Variants in SLC6A6 observed in about 807,000 individuals in gnomAD.
SLC6A6 encodes the protein solute carrier family 6 member 6.
In SLC6A6, 16 loss-of-function variants were observed where a neutral mutation model predicts 68.8. The observed-to-expected ratio is 0.23, with a 90% confidence interval of 0.16 to 0.35. The LOEUF (loss-of-function observed/expected upper bound fraction) is 0.35. SLC6A6 is among the 10% of genes least tolerant of loss of function. The pLI is 1.00. For missense variants in SLC6A6, 474 were observed against 802.8 expected (o/e 0.59, Z 4.95); for synonymous variants, 312 against 315.4 (o/e 0.99, Z 0.12).
Position 14,477,085 on chromosome 3 carries a change from G to A in SLC6A6, c.1210-120G>A, listed in dbSNP as rs1700895562. On this transcript the variant is annotated intron_variant, in intron 10 of 14. Coordinates refer to ENST00000622186, the MANE Select transcript of SLC6A6 (RefSeq NM_003043.6). The surrounding 1 kb of genome is among the most constrained non-coding windows in gnomAD (Gnocchi z 4.2). ...GACTTGATCTCACAGGCCAATTCTGGACACAAGGATGGTCACGTCTGCTCC... is the reference window on the plus strand; with the variant it reads ...GACTTGATCTCACAGGCCAATTCTGAACACAAGGATGGTCACGTCTGCTCC... 2.1e-6 allele frequency: 2 copies of A among 936,342 alleles called. No homozygotes were observed. The highest frequency in any genetic ancestry group is 3.3e-5 in the African/African-American group (2 of 61,038). 58.0% of individuals were successfully genotyped at this position (936,342 alleles called of 1,614,324 possible).
intron 5 of SLC6A6, among the ~76,000 whole-genome samples, chr3:14,454,391 G>A (rs536299803): frequency 2.6e-5 from 4 of 152,124 alleles, no homozygotes; most frequent in South Asian, 2.1e-4. Flanking sequence ...CCCTCGGCAC[G>A]ACACTCTACA....
rs1190621853 is a variant in SLC6A6 at position 14,489,291 on chromosome 3, T to C, written c.*4284T>C. The C allele has an allele frequency of 6.5e-6, 1 of 152,684 alleles. No homozygotes were observed. Among genetic ancestry groups the C allele is most frequent in the Non-Finnish European group, 1.5e-5 (1 of 68,044 alleles). 9.5% of individuals were successfully genotyped at this position (152,684 alleles called of 1,614,324 possible). The stretch of plus-strand genomic sequence containing the variant: ...ATTTTAAATTCATCTTTGCTTTTTT[T>C]AGAGGAGTTTGTAATCACCTTATAA... On this transcript the variant is annotated 3_prime_UTR_variant, in exon 15 of 15. Coordinates refer to ENST00000622186, the MANE Select transcript of SLC6A6 (RefSeq NM_003043.6).
At chr3:14,460,315 T>C (rs1402692056) in intron 6 of SLC6A6, among the ~76,000 whole-genome samples, 2 of 151,546 alleles carry the variant, frequency 1.3e-5, no homozygotes, top group African/African-American at 4.9e-5. Flanking sequence ...GAAAAATATA[T>C]AGGAGTCAAA....
chr3:14,434,019 T>G (rs1405137802), intron 2 of SLC6A6, among the ~76,000 whole-genome samples: 1 of 152,162 alleles, frequency 6.6e-6, no homozygotes, highest in African/African-American at 2.4e-5. Flanking sequence ...CCCCTCTTCC[T>G]CTCTGCCACA....
chr3:14,407,686 T>A (rs1271455830), intron 1 of SLC6A6, among the ~76,000 whole-genome samples: 1 of 152,154 alleles, frequency 6.6e-6, no homozygotes, highest in African/African-American at 2.4e-5. Context: ...TTTGTATTTC[T>A]TGTAGAGACA....
At position 14,485,051 on chromosome 3, in the gene SLC6A6, T is replaced by A. The variant is rs535343415; in HGVS notation, c.*44T>A. On this transcript the variant is annotated 3_prime_UTR_variant, in exon 15 of 15. Transcript: ENST00000622186. ...GGCCGGCGGCTTTCCTGCTGTTTAC[T>A]AACATTAGATTCTCATAGGACCAGG... is the stretch of plus-strand genomic sequence containing the variant. 1.9e-6 allele frequency: 3 copies of A among 1,542,040 alleles called. No homozygotes were observed. The African/African-American group carries it at 4.1e-5, about 21-fold the overall frequency.
intron 5 of SLC6A6, among the ~76,000 whole-genome samples, chr3:14,454,600 T>A (rs1219117932): frequency 6.6e-6 from 1 of 152,208 alleles, no homozygotes; most frequent in Non-Finnish European, 1.5e-5. Flanking sequence ...TCAGGCTGTG[T>A]TGTGACAAAT....
At chr3:14,412,338 T>C (rs1344506183) in intron 1 of SLC6A6, among the ~76,000 whole-genome samples, 4 of 152,218 alleles carry the variant, frequency 2.6e-5, no homozygotes, top group Admixed American at 2.6e-4. Flanking sequence ...TGGATTCCTC[T>C]TCTGCCACTG....
At position 14,472,929 on chromosome 3, in the gene SLC6A6, G is replaced by T. The variant is rs563416133; in HGVS notation, c.1209+612G>T. On this transcript the variant is annotated intron_variant, in intron 10 of 14. Transcript: ENST00000622186. This position sits in a 1 kb window ranked among gnomAD's most constrained non-coding sequence, Gnocchi z 4.5. ...CAGGCCGGGAGCCTCGCTCAAACCC[G>T]CCCTGACCTCTGGCTGTCCTGGCTT... Among the ~76,000 whole-genome samples the T allele has an allele frequency of 2.0e-5, 3 of 152,204 alleles. No homozygotes were observed. The highest frequency in any genetic ancestry group is 4.4e-5 in the Non-Finnish European group (3 of 68,040).
intron 1 of SLC6A6, among the ~76,000 whole-genome samples, chr3:14,410,129 A>T (rs1235850324): frequency 1.4e-5 from 2 of 147,684 alleles, no homozygotes; most frequent in Admixed American, 1.4e-4. Context: ...GTGAGCCAAC[A>T]TCTCGCTACT....
chr3:14,414,560 CTG>C (rs1699323089), intron 1 of SLC6A6, among the ~76,000 whole-genome samples: 1 of 151,944 alleles, frequency 6.6e-6, no homozygotes, highest in Admixed American at 6.6e-5. Flanking sequence ...GGGTCTCACT[CTG>C]TCACCCTGGC....
intron 5 of SLC6A6, 90 bp downstream of exon 5, chr3:14,447,906 G>T: frequency 1.9e-6 from 3 of 1,551,234 alleles, no homozygotes; most frequent in Non-Finnish European, 2.6e-6. Flanking sequence ...GGATACAGGA[G>T]CCACTGTCTT....
chr3:14,421,382 G>A (rs1486059314), intron 2 of SLC6A6, among the ~76,000 whole-genome samples: 1 of 152,164 alleles, frequency 6.6e-6, no homozygotes, highest in Non-Finnish European at 1.5e-5. Flanking sequence ...ACCCTGCTCT[G>A]TGACTCTGAG....
intron 2 of SLC6A6, among the ~76,000 whole-genome samples, chr3:14,429,178 C>T (rs1228497757): frequency 6.6e-6 from 1 of 152,236 alleles, no homozygotes; most frequent in Non-Finnish European, 1.5e-5. Context: ...AACTCCCTTT[C>T]TCTTTAGCAA....
intron 1 of SLC6A6, among the ~76,000 whole-genome samples, chr3:14,414,667 A>T (rs1169064420): frequency 6.6e-6 from 1 of 152,236 alleles, no homozygotes; most frequent in South Asian, 2.1e-4. Context: ...GTGGGACTAC[A>T]GGCATGTGCC....
rs566084194 is a variant in SLC6A6 at position 14,481,933 on chromosome 3, C to G, written c.1722+92C>G. 1 of 1,042,318 alleles carries G rather than the reference C, an allele frequency of 9.6e-7. No individual in the cohort carries two copies. Among genetic ancestry groups the G allele is most frequent in the East Asian group, 2.5e-5 (1 of 39,600 alleles). The allele number at this position is 1,042,318 out of a possible 1,614,324, so 64.6% of individuals were successfully genotyped here. A position where few individuals can be genotyped will look rare whatever the true frequency, so the allele number is the denominator to read the frequency against. Reference sequence around the variant, plus strand: ...TGCTGCGTGATCTCAGGCAAGTCACCTGCCCTCTCTGAGCCATAGTTCCCT... The same window carrying G: ...TGCTGCGTGATCTCAGGCAAGTCACGTGCCCTCTCTGAGCCATAGTTCCCT... On this transcript the variant is annotated intron_variant, in intron 14 of 14. Transcript: ENST00000622186. The surrounding 1 kb of genome is among the most constrained non-coding windows in gnomAD (Gnocchi z 4.7).
rs561602537 is a variant in SLC6A6, at chr3:14,481,298, C to A, written c.1552-373C>A. Among the ~76,000 whole-genome samples, 4 of 152,064 alleles carry A rather than the reference C, an allele frequency of 2.6e-5. No homozygotes were observed. The highest frequency in any genetic ancestry group is 2.0e-4 in the Admixed American group (3 of 15,268). ...GCAGAGGAAACAGCCCATGCCAAGA[C>A]CCAGAGTTCAGTGACAGAGGAGCTA... On this transcript the variant is annotated intron_variant, in intron 13 of 14. Transcript: ENST00000622186. The surrounding 1 kb of genome is among the most constrained non-coding windows in gnomAD (Gnocchi z 4.7).
At chr3:14,476,663 A>G (rs1392275817) in intron 10 of SLC6A6, among the ~76,000 whole-genome samples, 1 of 152,220 alleles carries the variant, frequency 6.6e-6, no homozygotes, top group African/African-American at 2.4e-5. Context: ...CCTGCCAAGC[A>G]AGTTGGTGCT....
intron 3 of SLC6A6, chr3:14,444,883 C>T (rs761046232): frequency 6.4e-5 from 29 of 454,756 alleles, no homozygotes; most frequent in Non-Finnish European, 9.3e-5. Context: ...TCCCCTGCCC[C>T]AATGCTTTGC....
Sources: allele counts gnomAD v4.1 joint callset (sites outside exome capture counted in the v4.1 genomes callset), GRCh38; gene constraint gnomAD v4.1.1; non-coding constraint Gnocchi (gnomAD v3.1); transcripts MANE v1.5; gene names NCBI Gene and HGNC (gene_info 2026-07-23, HGNC 2026-07-21).